ABCB5: variants seen among roughly 807,000 people sequenced by gnomAD.
The protein encoded by ABCB5 is ATP binding cassette subfamily B member 5.
In ABCB5, 155 loss-of-function variants were observed where a neutral mutation model predicts 144.2. The ratio of observed to expected loss-of-function variants is 1.08; its 90% CI spans 0.94 to 1.23. The LOEUF (loss-of-function observed/expected upper bound fraction) is 1.23. Ranked by LOEUF, ABCB5 falls within the 50% of genes most tolerant of loss-of-function variation. The pLI, the probability that ABCB5 is intolerant of heterozygous loss-of-function variation, is 0.00. For synonymous variants in ABCB5, 610 were observed against 528.6 expected (o/e 1.15, Z -2.11); for missense variants, 1,830 against 1,520.8 (o/e 1.20, Z -3.38).
rs773341911 is a variant in ABCB5, at chr7:20,650,090, TG to T, written c.1278del (p.Lys427ArgfsTer4). On this transcript the variant is annotated frameshift_variant, in exon 12 of 28. Coordinates refer to ENST00000404938, the MANE Select transcript of ABCB5 (RefSeq NM_001163941.2). LOFTEE classifies it high-confidence loss of function. ...TCGCCTTGGTCGGTCTCAATGGCAG[TG>T]GGAAGAGTACGGTAGTCCAGCTTCT... is the stretch of plus-strand genomic sequence containing the variant. ...TVALVGLNGS[G>X]KSTVVQLLQR... 1 of 1,613,702 alleles carries T rather than the reference TG, an allele frequency of 6.2e-7. No homozygotes were observed. The highest frequency in any genetic ancestry group is 1.7e-5 in the Admixed American group (1 of 59,974).
rs139713151 is a variant in ABCB5 at position 20,683,377 on chromosome 7, A to G, written c.1869+1711A>G. Among the ~76,000 whole-genome samples the G allele has an allele frequency of 1.9e-3, 296 of 152,340 alleles. 3 individuals are homozygous for G. Among genetic ancestry groups the G allele is most frequent in the African/African-American group, 6.5e-3 (270 of 41,584 alleles). On this transcript the variant is annotated intron_variant, in intron 15 of 27. Transcript: ENST00000404938. ...GAATTTTTATTCCACAGTAGACCTA[A>G]TAATTTACGAGGTTTAATATTTTGA...
At chr7:20,730,321 A>G (rs1041615192) in intron 23 of ABCB5, among the ~76,000 whole-genome samples, 3 of 152,182 alleles carry the variant, frequency 2.0e-5, no homozygotes, top group Non-Finnish European at 2.9e-5. Flanking sequence ...ACCAGCCTGG[A>G]CAACCTGTGA....
Position 20,753,353 on chromosome 7 carries a change from G to A in ABCB5, c.3430-7G>A, listed in dbSNP as rs769250699. On this transcript the variant is annotated splice_polypyrimidine_tract_variant and splice_region_variant and intron_variant, in intron 26 of 27. Transcript: ENST00000404938. ...CTTGCTTTCTTAATTGCATGCTCCT[G>A]TGATAGAAATACAACACACAAGTTG... 1.2e-6 allele frequency: 2 copies of A among 1,605,744 alleles called. 1 individual carries two copies.
chr7:20,718,293 A>G (rs1215712347), intron 20 of ABCB5, among the ~76,000 whole-genome samples: 1 of 152,092 alleles, frequency 6.6e-6, no homozygotes, highest in Non-Finnish European at 1.5e-5. Context: ...AGCCTATAAC[A>G]TACATCACCA....
chr7:20,685,990 G>A (rs1366646798), intron 16 of ABCB5, among the ~76,000 whole-genome samples, 154 bp downstream of exon 16: 2 of 152,124 alleles, frequency 1.3e-5, no homozygotes, highest in Admixed American at 1.3e-4. Flanking sequence ...TAGCATCAGT[G>A]TGTCACTCTA....
intron 27 of ABCB5, among the ~76,000 whole-genome samples, chr7:20,755,083 C>T (rs564560025): frequency 3.3e-5 from 5 of 152,136 alleles, no homozygotes; most frequent in East Asian, 1.9e-4. Context: ...CCAAATAGCT[C>T]GGATTACAGA....
At chr7:20,739,533 T>G (rs1205418562) in intron 24 of ABCB5, among the ~76,000 whole-genome samples, 4 of 151,122 alleles carry the variant, frequency 2.6e-5, no homozygotes. Flanking sequence ...AAAGGGGTCT[T>G]GTCTTAATCA....
chr7:20,631,197 C>A (rs528568504), intron 4 of ABCB5, among the ~76,000 whole-genome samples: 2 of 152,192 alleles, frequency 1.3e-5, no homozygotes, highest in African/African-American at 4.8e-5. Flanking sequence ...ACTGCAGGAA[C>A]CATTTTTAGA....
chr7:20,668,440 T>A (rs1163244970), intron 14 of ABCB5, among the ~76,000 whole-genome samples: 1 of 151,374 alleles, frequency 6.6e-6, no homozygotes, highest in Non-Finnish European at 1.5e-5. Context: ...GAGGAGCGTC[T>A]CTGCCCGGCC....
At chr7:20,660,736 T>G (rs1351215690) in intron 14 of ABCB5, among the ~76,000 whole-genome samples, 1 of 152,140 alleles carries the variant, frequency 6.6e-6, no homozygotes. Context: ...GTTAACAGTT[T>G]TATGCTGCTC....
intron 10 of ABCB5, 60 bp downstream of exon 10, chr7:20,647,708 A>AG: frequency 6.5e-7 from 1 of 1,530,228 alleles, no homozygotes; most frequent in Non-Finnish European, 8.8e-7. Flanking sequence ...AGACAAAAAA[A>AG]CATACACCCT....
intron 14 of ABCB5, among the ~76,000 whole-genome samples, chr7:20,663,330 G>C (rs1176642756): frequency 6.6e-6 from 1 of 152,152 alleles, no homozygotes; most frequent in African/African-American, 2.4e-5. Context: ...TAGCCAAAAG[G>C]TGAAAACAAT....
At position 20,626,859 on chromosome 7, in the gene ABCB5, GT is replaced by G. The variant is rs1783921556; in HGVS notation, c.108+249del. On this transcript the variant is annotated intron_variant, in intron 3 of 27. Coordinates refer to ENST00000404938, the MANE Select transcript of ABCB5 (RefSeq NM_001163941.2). Reference sequence around the variant, plus strand: ...TGTTTTAAAAGTGTTTTTGGGGTGTGTGTGTGTGTGTGTGTGTGTGTGTGTG... The same window carrying G: ...TGTTTTAAAAGTGTTTTTGGGGTGTGGTGTGTGTGTGTGTGTGTGTGTGTG... 8.5e-4 allele frequency among the ~76,000 whole-genome samples: 88 copies of G among 103,434 alleles called. 3 individuals are homozygous for G. In the South Asian group the frequency reaches 0.012, roughly 14 times the overall value. The allele number at this position is 103,434 out of a possible 152,430, so 67.9% of individuals were successfully genotyped here.
intron 16 of ABCB5, among the ~76,000 whole-genome samples, chr7:20,694,791 T>C (rs1786351950): frequency 6.6e-6 from 1 of 152,024 alleles, no homozygotes; most frequent in Non-Finnish European, 1.5e-5. Context: ...CCCAATTCTA[T>C]ATACTACAAG....
Position 20,699,635 on chromosome 7 carries a change from A to G in ABCB5, c.2155-190A>G, listed in dbSNP as rs982114446. ...AGAATCACTTGAACCTGGGAGGCAG[A>G]GGTTGCATTGAGCCAAGACTGAGAT... On this transcript the variant is annotated intron_variant, in intron 17 of 27. Coordinates refer to ENST00000404938, the MANE Select transcript of ABCB5 (RefSeq NM_001163941.2). Among the ~76,000 whole-genome samples, 29 of 152,190 alleles carry G rather than the reference A, an allele frequency of 1.9e-4. 1 individual carries two copies. Among genetic ancestry groups the G allele is most frequent in the African/African-American group, 7.0e-4 (29 of 41,532 alleles).
At chr7:20,634,180 C>T (rs1784100256) in intron 5 of ABCB5, among the ~76,000 whole-genome samples, 1 of 34,882 alleles carries the variant, frequency 2.9e-5, no homozygotes, top group African/African-American at 3.0e-4. Context: ...ATCCATGTTG[C>T]TGCAAAAAAA....
intron 20 of ABCB5, among the ~76,000 whole-genome samples, chr7:20,710,817 T>G (rs1318381036): frequency 6.7e-6 from 1 of 150,294 alleles, no homozygotes; most frequent in Non-Finnish European, 1.5e-5. Context: ...ATTTTGCAAT[T>G]TGCTCTTTAT....
intron 15 of ABCB5, 27 bp from the exon 16 acceptor site, chr7:20,685,669 T>C (rs371078069): frequency 5.1e-6 from 8 of 1,560,890 alleles, no homozygotes; most frequent in African/African-American, 1.4e-5. Context: ...ATTCTTATAA[T>C]GATAACCTAT....
At chr7:20,634,771 T>A (rs1386353992) in intron 5 of ABCB5, among the ~76,000 whole-genome samples, 1 of 152,008 alleles carries the variant, frequency 6.6e-6, no homozygotes, top group African/African-American at 2.4e-5. Flanking sequence ...TTGTCATTGT[T>A]GAGGTGTTTG....
Sources: gnomAD v4.1 joint callset for allele counts (sites outside exome capture counted in the v4.1 genomes callset) on GRCh38, gnomAD v4.1.1 for gene constraint, MANE v1.5 for transcripts, NCBI Gene and HGNC (gene_info 2026-07-23, HGNC 2026-07-21) for gene names.